The following LINC00305 variants were observed in gnomAD, a reference collection of about 807,000 sequenced individuals.
LINC00305 encodes the protein long intergenic non-protein coding RNA 305.
chr18:64,095,368 A>G (rs2051241309), intron 3 of LINC00305, among the ~76,000 whole-genome samples: 1 of 152,180 alleles, frequency 6.6e-6, no homozygotes, highest in Non-Finnish European at 1.5e-5. Flanking sequence ...CCAGGAAAGG[A>G]GCTAGTTTTG....
chr18:64,142,891 G>A (rs1315375971), intron 1 of LINC00305, among the ~76,000 whole-genome samples: 1 of 152,126 alleles, frequency 6.6e-6, no homozygotes, highest in East Asian at 1.9e-4. Flanking sequence ...GAAACAATGG[G>A]TTATATGAAC....
intron 3 of LINC00305, among the ~76,000 whole-genome samples, chr18:64,084,341 C>T (rs956423551): frequency 6.6e-6 from 1 of 151,968 alleles, no homozygotes; most frequent in Non-Finnish European, 1.5e-5. Flanking sequence ...AAATGTAGGC[C>T]TCATACGTGG....
At chr18:64,130,205 G>A (rs970782101) in intron 1 of LINC00305, among the ~76,000 whole-genome samples, 2 of 152,060 alleles carry the variant, frequency 1.3e-5, no homozygotes, top group African/African-American at 4.8e-5. Flanking sequence ...TCAGTAGTTT[G>A]TGCATTTCAT....
At chr18:64,117,153 T>C (rs572967957) in intron 1 of LINC00305, among the ~76,000 whole-genome samples, 3 of 152,266 alleles carry the variant, frequency 2.0e-5, no homozygotes, top group African/African-American at 7.2e-5. Context: ...GGTTCTTCTG[T>C]AGAGGCCCTG....
intron 1 of LINC00305, among the ~76,000 whole-genome samples, chr18:64,125,234 T>C (rs2051379534): frequency 6.6e-6 from 1 of 152,086 alleles, no homozygotes; most frequent in African/African-American, 2.4e-5. Flanking sequence ...TAAAAGTCTG[T>C]TCCCCCTTCA....
intron 1 of LINC00305, among the ~76,000 whole-genome samples, chr18:64,141,747 T>C (rs998214507): frequency 1.3e-5 from 2 of 152,256 alleles, no homozygotes; most frequent in Non-Finnish European, 2.9e-5. Context: ...CTGATAATTC[T>C]GAGATGTTGA....
intron 1 of LINC00305, among the ~76,000 whole-genome samples, chr18:64,112,497 G>A (rs2051319306): frequency 6.6e-6 from 1 of 152,124 alleles, no homozygotes; most frequent in South Asian, 2.1e-4. Context: ...TTTCCTCAAA[G>A]ATAAACACTA....
chr18:64,136,132 G>A (rs1489915968), intron 1 of LINC00305, among the ~76,000 whole-genome samples: 1 of 152,152 alleles, frequency 6.6e-6, no homozygotes, highest in South Asian at 2.1e-4. Context: ...GTTTTAGGAG[G>A]TAGGCAGTTC....
intron 1 of LINC00305, among the ~76,000 whole-genome samples, chr18:64,131,149 A>G (rs2051408105): frequency 6.6e-6 from 1 of 152,222 alleles, no homozygotes; most frequent in African/African-American, 2.4e-5. Flanking sequence ...ACAGGTTAAA[A>G]GATAGAAATA....
chr18:64,119,015 C>G (rs55689502), intron 1 of LINC00305, among the ~76,000 whole-genome samples: 10,300 of 151,804 alleles, frequency 0.068, 524 homozygotes, highest in Non-Finnish European at 0.11. Context: ...CTACTTTTGT[C>G]CAAGTATACA....
chr18:64,116,254 A>T (rs1484891605), intron 1 of LINC00305, among the ~76,000 whole-genome samples: 1 of 152,234 alleles, frequency 6.6e-6, no homozygotes, highest in African/African-American at 2.4e-5. Flanking sequence ...AACATACAGA[A>T]TTAACATTAA....
At chr18:64,138,929 TGCGG>T (rs1478061960) in intron 1 of LINC00305, among the ~76,000 whole-genome samples, 1 of 152,172 alleles carries the variant, frequency 6.6e-6, no homozygotes, top group Non-Finnish European at 1.5e-5. Context: ...AAAGAGTATG[TGCGG>T]GGCACAGCCG....
chr18:64,100,360 G>A (rs71355110), intron 1 of LINC00305, among the ~76,000 whole-genome samples: 11,992 of 152,196 alleles, frequency 0.079, 531 homozygotes, highest in Middle Eastern at 0.12. Flanking sequence ...CTTCTTGAAA[G>A]TATGAAGAAA....
chr18:64,080,434 A>C (rs1219546080), intron 3 of LINC00305: 2 of 426,092 alleles, frequency 4.7e-6, no homozygotes, highest in Admixed American at 5.3e-5. Context: ...ACATTATTGC[A>C]GTAGAGAAAG....
At chr18:64,133,022 C>T (rs1029544623) in intron 1 of LINC00305, among the ~76,000 whole-genome samples, 2 of 152,128 alleles carry the variant, frequency 1.3e-5, no homozygotes, top group Non-Finnish European at 2.9e-5. Context: ...ACTTCAGACA[C>T]GATATGGCAG....
At chr18:64,097,469 A>C (rs1022538531) in intron 3 of LINC00305, among the ~76,000 whole-genome samples, 2 of 152,160 alleles carry the variant, frequency 1.3e-5, no homozygotes, top group African/African-American at 4.8e-5. Context: ...TTTGGAGGGA[A>C]ACAATAATGT....
chr18:64,132,515 C>T (rs540624666), intron 1 of LINC00305, among the ~76,000 whole-genome samples: 18 of 152,180 alleles, frequency 1.2e-4, no homozygotes, highest in African/African-American at 2.7e-4. Context: ...CCACTCCCCC[C>T]CCGAGTAACT....
intron 1 of LINC00305, among the ~76,000 whole-genome samples, chr18:64,101,745 C>T (rs2144240550): frequency 6.6e-6 from 1 of 152,274 alleles, no homozygotes; most frequent in East Asian, 1.9e-4. Context: ...CTACATTTTT[C>T]TATGGCATCT....
chr18:64,123,665 T>A (rs1336323604), intron 1 of LINC00305, among the ~76,000 whole-genome samples: 1 of 152,098 alleles, frequency 6.6e-6, no homozygotes, highest in Non-Finnish European at 1.5e-5. Flanking sequence ...TATACGTTAA[T>A]GCATTATCAT....
Sources: allele counts gnomAD v4.1 joint callset (sites outside exome capture counted in the v4.1 genomes callset), GRCh38; gene constraint gnomAD v4.1.1; transcripts MANE v1.5; gene names NCBI Gene and HGNC (gene_info 2026-07-23, HGNC 2026-07-21).